The following TMEM117 variants were observed in gnomAD, a reference collection of about 807,000 sequenced individuals.
TMEM117 encodes transmembrane protein 117.
TMEM117 carries 27 observed loss-of-function variants against 52.4 expected under a neutral mutation model. The observed-to-expected ratio is 0.51, with a 90% CI of 0.38 to 0.71. The LOEUF (loss-of-function observed/expected upper bound fraction) is 0.71, where lower values mean the gene tolerates loss of function less well. TMEM117 is among the 30% of genes least tolerant of loss of function. The pLI is 0.00. For missense variants in TMEM117, 556 were observed against 630.5 expected (o/e 0.88, Z 1.26); for synonymous variants, 215 against 206.3 (o/e 1.04, Z -0.36).
chr12:44,350,994 G>C (rs1286734741), intron 6 of TMEM117, among the ~76,000 whole-genome samples: 1 of 151,944 alleles, frequency 6.6e-6, no homozygotes, highest in African/African-American at 2.4e-5. Flanking sequence ...GTGTACAAGG[G>C]TTCCCCTAGT....
intron 6 of TMEM117, among the ~76,000 whole-genome samples, chr12:44,304,841 G>A (rs1744099350): frequency 6.6e-6 from 1 of 152,174 alleles, no homozygotes; most frequent in African/African-American, 2.4e-5. Context: ...AGCCTTGAGT[G>A]ACATCCAGAG....
At chr12:44,121,594 G>A (rs889732444) in intron 3 of TMEM117, among the ~76,000 whole-genome samples, 1 of 152,080 alleles carries the variant, frequency 6.6e-6, no homozygotes, top group African/African-American at 2.4e-5. Flanking sequence ...ACATATAACA[G>A]GTTAATTACA....
At chr12:43,987,836 T>G (rs989190279) in intron 3 of TMEM117, among the ~76,000 whole-genome samples, 4 of 152,140 alleles carry the variant, frequency 2.6e-5, no homozygotes, top group African/African-American at 9.7e-5. Flanking sequence ...ATCTGCAAGT[T>G]ATAAGTCTTT....
intron 6 of TMEM117, among the ~76,000 whole-genome samples, chr12:44,328,990 G>T (rs1328405159): frequency 2.6e-5 from 4 of 151,606 alleles, no homozygotes; most frequent in Non-Finnish European, 5.9e-5. Context: ...TGCCACATGG[G>T]TCGCAGAAGG....
At chr12:44,134,090 G>C (rs923532997) in intron 3 of TMEM117, among the ~76,000 whole-genome samples, 3 of 152,172 alleles carry the variant, frequency 2.0e-5, no homozygotes, top group Non-Finnish European at 4.4e-5. Flanking sequence ...CTAGTTAAGT[G>C]ATGTCAAATC....
At chr12:44,233,789 G>C (rs1362699523) in intron 5 of TMEM117, among the ~76,000 whole-genome samples, 9 of 150,984 alleles carry the variant, frequency 6.0e-5, no homozygotes, top group African/African-American at 2.2e-4. Flanking sequence ...CATTGATTTT[G>C]ACTGCTGAAT....
At chr12:44,163,698 T>A (rs1048407706) in intron 4 of TMEM117, among the ~76,000 whole-genome samples, 3 of 152,196 alleles carry the variant, frequency 2.0e-5, no homozygotes, top group Non-Finnish European at 4.4e-5. Flanking sequence ...AGGATAAAAA[T>A]GTGAACATCA....
intron 2 of TMEM117, among the ~76,000 whole-genome samples, chr12:43,929,367 CT>C (rs1396982225): frequency 6.6e-6 from 1 of 152,038 alleles, no homozygotes; most frequent in African/African-American, 2.4e-5. Context: ...AGTGATTACC[CT>C]AAAGAGTAAA....
At chr12:43,912,296 A>G (rs1446591261) in intron 2 of TMEM117, among the ~76,000 whole-genome samples, 20 of 146,194 alleles carry the variant, frequency 1.4e-4, no homozygotes, top group South Asian at 1.2e-3. Flanking sequence ...GAATTGAACA[A>G]TGAGAACACA....
chr12:44,058,227 G>A (rs1409138987), intron 3 of TMEM117, among the ~76,000 whole-genome samples: 1 of 151,570 alleles, frequency 6.6e-6, no homozygotes, highest in African/African-American at 2.4e-5. Context: ...TAATATATTC[G>A]CTAAGAATCT....
At chr12:44,048,375 C>G (rs939454657) in intron 3 of TMEM117, among the ~76,000 whole-genome samples, 2 of 152,092 alleles carry the variant, frequency 1.3e-5, no homozygotes, top group African/African-American at 4.8e-5. Flanking sequence ...TTTGCCATCT[C>G]TCTTTTTTCA....
chr12:44,066,067 A>C (rs759667099), intron 3 of TMEM117, among the ~76,000 whole-genome samples: 1 of 152,224 alleles, frequency 6.6e-6, no homozygotes, highest in Non-Finnish European at 1.5e-5. Context: ...AGTGGCATAC[A>C]GAAGATAGAA....
At chr12:44,052,908 A>G (rs1946997884) in intron 3 of TMEM117, among the ~76,000 whole-genome samples, 1 of 152,136 alleles carries the variant, frequency 6.6e-6, no homozygotes, top group South Asian at 2.1e-4. Flanking sequence ...CATGAGGTGC[A>G]GAAAATTACT....
chr12:44,144,748 G>C (rs1400141514), intron 4 of TMEM117, among the ~76,000 whole-genome samples: 1 of 152,146 alleles, frequency 6.6e-6, no homozygotes, highest in Non-Finnish European at 1.5e-5. Flanking sequence ...ATTACTGTAT[G>C]GATTCTATTC....
chr12:44,256,160 CACAT>C (rs1314567292), intron 5 of TMEM117, among the ~76,000 whole-genome samples: 17 of 151,672 alleles, frequency 1.1e-4, no homozygotes, highest in African/African-American at 3.9e-4. Flanking sequence ...CATACATATA[CACAT>C]ACATACCCAC....
chr12:44,038,319 G>T (rs1946743131), intron 3 of TMEM117, among the ~76,000 whole-genome samples: 1 of 152,136 alleles, frequency 6.6e-6, no homozygotes, highest in African/African-American at 2.4e-5. Flanking sequence ...GCAGTTCCTG[G>T]CATCTTCAAG....
chr12:44,166,501 A>C (rs984198392), intron 4 of TMEM117, among the ~76,000 whole-genome samples: 1 of 152,194 alleles, frequency 6.6e-6, no homozygotes, highest in Non-Finnish European at 1.5e-5. Flanking sequence ...CCTTCATACA[A>C]ACATTTTAGA....
At chr12:44,153,473 A>T (rs531667822) in intron 4 of TMEM117, among the ~76,000 whole-genome samples, 2 of 151,996 alleles carry the variant, frequency 1.3e-5, no homozygotes, top group Admixed American at 6.6e-5. Flanking sequence ...GGAAGTGAGT[A>T]TATTTTTAGG....
intron 3 of TMEM117, among the ~76,000 whole-genome samples, chr12:44,082,991 G>A (rs902857497): frequency 6.6e-6 from 1 of 152,018 alleles, no homozygotes; most frequent in Admixed American, 6.6e-5. Flanking sequence ...CATCTTTGAT[G>A]TTGTGACTAT....
Sources: gnomAD v4.1 joint callset for allele counts (sites outside exome capture counted in the v4.1 genomes callset) on GRCh38, gnomAD v4.1.1 for gene constraint, MANE v1.5 for transcripts, NCBI Gene and HGNC (gene_info 2026-07-23, HGNC 2026-07-21) for gene names.